The following GAREM1 variants were observed in gnomAD, a reference collection of about 807,000 sequenced individuals.
GAREM1 encodes the protein GRB2-associated and regulator of MAPK protein 1.
Under a neutral mutation model 71.3 loss-of-function variants are expected in GAREM1, and 26 were observed. The observed-to-expected ratio is 0.36, with a 90% CI of 0.27 to 0.51. The LOEUF (loss-of-function observed/expected upper bound fraction) is 0.51, where lower values mean the gene tolerates loss of function less well. Ranked by LOEUF, GAREM1 falls within the 20% of genes least tolerant of loss-of-function variation. The pLI is 0.95. For missense variants in GAREM1, 1,026 were observed against 1,103.1 expected (o/e 0.93, Z 0.99); for synonymous variants, 440 against 433.2 (o/e 1.02, Z -0.20).
chr18:32,384,029 T>A (rs2048121187), intron 2 of GAREM1, among the ~76,000 whole-genome samples: 1 of 152,168 alleles, frequency 6.6e-6, no homozygotes, highest in African/African-American at 2.4e-5. Flanking sequence ...CCTTTCCATA[T>A]CTCTCATAAA....
At position 32,265,699 on chromosome 18, in the gene GAREM1, A is replaced by C. The variant is rs983023563; in HGVS notation, c.*2172T>G. 3.3e-5 allele frequency: 5 copies of C among 152,222 alleles called. No individual in the cohort carries two copies. Among genetic ancestry groups the C allele is most frequent in the African/African-American group, 7.2e-5 (3 of 41,444 alleles). 9.4% of individuals were successfully genotyped at this position (152,222 alleles called of 1,614,324 possible). A position where few individuals can be genotyped will look rare whatever the true frequency, so the allele number is the denominator to read the frequency against. On this transcript the variant is annotated 3_prime_UTR_variant, in exon 6 of 6. Coordinates refer to ENST00000269209, the MANE Select transcript of GAREM1 (RefSeq NM_001242409.2). ...ACCCTATTTTGTGTAAAGTTTTTAC[A>C]AAAAGAAAAAAAACGCTAAAAGGAG...
intron 1 of GAREM1, among the ~76,000 whole-genome samples, chr18:32,413,448 C>T (rs1568001776): frequency 6.6e-6 from 1 of 152,084 alleles, no homozygotes; most frequent in Non-Finnish European, 1.5e-5. Flanking sequence ...GTACACATAA[C>T]AGAGGGTTAA....
chr18:32,365,258 A>C (rs1567981494), intron 2 of GAREM1, among the ~76,000 whole-genome samples: 1 of 152,374 alleles, frequency 6.6e-6, no homozygotes, highest in African/African-American at 2.4e-5. Context: ...AACAATAAAT[A>C]TCATTCCAAT....
chr18:32,419,180 T>A lies in GAREM1; in HGVS notation c.122-26145A>T, dbSNP rs148345587. Among the ~76,000 whole-genome samples the A allele has an allele frequency of 1.4e-3, 207 of 152,314 alleles. 1 individual carries two copies. The highest frequency in any genetic ancestry group is 4.7e-3 in the African/African-American group (196 of 41,590). On this transcript the variant is annotated intron_variant, in intron 1 of 5. Coordinates refer to ENST00000269209, the MANE Select transcript of GAREM1 (RefSeq NM_001242409.2). ...TCTCAGCACCAGAAAACCTGTCTCA[T>A]GCTAAATCCCTCTCAGGCTTCAAAT...
chr18:32,459,263 T>C (rs1292185108), intron 1 of GAREM1, among the ~76,000 whole-genome samples: 4 of 152,130 alleles, frequency 2.6e-5, no homozygotes, highest in Non-Finnish European at 5.9e-5. Context: ...CTGGACTACA[T>C]ATCTTCAGAC....
chr18:32,366,562 A>T (rs954671644), intron 2 of GAREM1, among the ~76,000 whole-genome samples: 2 of 152,242 alleles, frequency 1.3e-5, no homozygotes, highest in African/African-American at 4.8e-5. Flanking sequence ...AGTTCCATCC[A>T]TTCAAAAACC....
intron 1 of GAREM1, among the ~76,000 whole-genome samples, chr18:32,429,553 T>C (rs2048604407): frequency 6.6e-6 from 1 of 152,240 alleles, no homozygotes; most frequent in Non-Finnish European, 1.5e-5. Context: ...CTGAATTCTG[T>C]TGCTACCACG....
At chr18:32,450,723 C>G (rs2144291904) in intron 1 of GAREM1, among the ~76,000 whole-genome samples, 1 of 152,246 alleles carries the variant, frequency 6.6e-6, no homozygotes, top group African/African-American at 2.4e-5. Flanking sequence ...GAGTCATAAT[C>G]CCAGCATATG....
intron 2 of GAREM1, among the ~76,000 whole-genome samples, chr18:32,370,207 C>T (rs528896112): frequency 2.5e-4 from 38 of 152,034 alleles, no homozygotes; most frequent in African/African-American, 9.2e-4. Flanking sequence ...CCGAGGCCGG[C>T]GGAACACAAG....
intron 1 of GAREM1, among the ~76,000 whole-genome samples, chr18:32,446,164 G>GTTGTAAT (rs1184962291): frequency 2.4e-4 from 37 of 151,980 alleles, no homozygotes; most frequent in African/African-American, 8.9e-4. Flanking sequence ...TTGATTACTA[G>GTTGTAAT]TACACAATAA....
intron 1 of GAREM1, among the ~76,000 whole-genome samples, chr18:32,397,972 C>A (rs983361444): frequency 2.0e-4 from 31 of 152,312 alleles, no homozygotes; most frequent in African/African-American, 6.7e-4. Context: ...GTCTCTCAGA[C>A]CACAATGCAA....
rs117461140 is a variant in GAREM1, at chr18:32,370,982, G to A, written c.262+21913C>T. Among the ~76,000 whole-genome samples, 1,007 of 152,206 alleles carry A rather than the reference G, an allele frequency of 6.6e-3. 10 individuals are homozygous for A. The highest frequency in any genetic ancestry group is 0.01 in the Non-Finnish European group (699 of 68,010). ...TACAAAAGAAATTGTAGATGACCTCGAAGAGCTCAGGATCTACTGGGGGAA... is the reference window on the plus strand; with the variant it reads ...TACAAAAGAAATTGTAGATGACCTCAAAGAGCTCAGGATCTACTGGGGGAA... On this transcript the variant is annotated intron_variant, in intron 2 of 5. Transcript: ENST00000269209.
At chr18:32,449,419 G>C (rs970438495) in intron 1 of GAREM1, among the ~76,000 whole-genome samples, 4 of 152,194 alleles carry the variant, frequency 2.6e-5, no homozygotes, top group Non-Finnish European at 5.9e-5. Flanking sequence ...GGGTGCGGGG[G>C]CTCACGCCTG....
intron 1 of GAREM1, among the ~76,000 whole-genome samples, chr18:32,431,623 G>A (rs1008689244): frequency 1.3e-4 from 20 of 152,074 alleles, no homozygotes; most frequent in African/African-American, 4.1e-4. Flanking sequence ...GCAAAACTCC[G>A]TCTCAAAAAT....
intron 1 of GAREM1, among the ~76,000 whole-genome samples, chr18:32,432,277 A>G (rs2048631478): frequency 6.6e-6 from 1 of 152,164 alleles, no homozygotes; most frequent in South Asian, 2.1e-4. Flanking sequence ...AGTGATTAGA[A>G]AGAAAGTTAT....
At chr18:32,285,638 G>T (rs546891993) in intron 4 of GAREM1, among the ~76,000 whole-genome samples, 2 of 152,134 alleles carry the variant, frequency 1.3e-5, no homozygotes, top group Admixed American at 6.5e-5. Context: ...CATTCATCCC[G>T]CGACTAGAAG....
At chr18:32,402,551 T>C (rs2048325129) in intron 1 of GAREM1, among the ~76,000 whole-genome samples, 2 of 152,156 alleles carry the variant, frequency 1.3e-5, no homozygotes, top group African/African-American at 4.8e-5. Context: ...CCCTCCTTGC[T>C]ATTTTCTCTC....
intron 4 of GAREM1, among the ~76,000 whole-genome samples, chr18:32,272,793 T>C (rs1180690548): frequency 1.3e-5 from 2 of 152,158 alleles, no homozygotes; most frequent in African/African-American, 4.8e-5. Flanking sequence ...CCAGCTAATT[T>C]TGTATTTTTA....
At chr18:32,388,502 A>G (rs533997168) in intron 2 of GAREM1, among the ~76,000 whole-genome samples, 1 of 152,246 alleles carries the variant, frequency 6.6e-6, no homozygotes, top group Non-Finnish European at 1.5e-5. Context: ...TCACAAAGTA[A>G]ATGGTAATTA....
Sources: gnomAD v4.1 joint callset for allele counts (sites outside exome capture counted in the v4.1 genomes callset) on GRCh38, gnomAD v4.1.1 for gene constraint, MANE v1.5 for transcripts, NCBI Gene and HGNC (gene_info 2026-07-23, HGNC 2026-07-21) for gene names.